Variants in AUH observed in about 807,000 individuals in gnomAD.
The protein encoded by AUH is methylglutaconyl-CoA hydratase, mitochondrial.
Under a neutral mutation model 42.3 loss-of-function variants are expected in AUH, and 29 were observed. The ratio of observed to expected loss-of-function variants is 0.69; its 90% confidence interval spans 0.51 to 0.93. The LOEUF is 0.93. Among genes scored for constraint, AUH ranks in the 40% least tolerant of loss-of-function variants. The pLI is 0.00. For missense variants in AUH, 452 were observed against 438.1 expected (o/e 1.03, Z -0.28); for synonymous variants, 174 against 166.4 (o/e 1.05, Z -0.35).
chr9:91,289,964 C>T (rs1587783570), intron 6 of AUH, among the ~76,000 whole-genome samples: 1 of 152,110 alleles, frequency 6.6e-6, no homozygotes, highest in African/African-American at 2.4e-5. Flanking sequence ...CATCTCTTAT[C>T]TAAATGTGAA....
intron 3 of AUH, among the ~76,000 whole-genome samples, chr9:91,333,376 A>C (rs908794009): frequency 6.6e-6 from 1 of 152,232 alleles, no homozygotes; most frequent in Non-Finnish European, 1.5e-5. Context: ...ATGCAAATTA[A>C]ATTAATTTTT....
chr9:91,338,459 C>T lies in AUH; in HGVS notation c.419-13055G>A, dbSNP rs866498313. Among the ~76,000 whole-genome samples, 8 of 152,248 alleles carry T rather than the reference C, an allele frequency of 5.3e-5. No homozygotes were observed. The South Asian group carries it at 1.2e-3, about 24-fold the overall frequency. On this transcript the variant is annotated intron_variant, in intron 3 of 9. Transcript: ENST00000375731. ...TTTTTTTGGCAGGGGGACAGAGTCT[C>T]GCTGTTGTTGGCCTAGGCTGGAGCG...
At chr9:91,315,351 T>C (rs1829076286) in intron 4 of AUH, among the ~76,000 whole-genome samples, 1 of 152,228 alleles carries the variant, frequency 6.6e-6, no homozygotes, top group Non-Finnish European at 1.5e-5. Context: ...CAAATGCGCA[T>C]GTGCCTGTTT....
At chr9:91,271,185 C>T (rs770814472) in intron 6 of AUH, among the ~76,000 whole-genome samples, 20 of 152,120 alleles carry the variant, frequency 1.3e-4, no homozygotes, top group Non-Finnish European at 2.6e-4. Context: ...TTGCTAGAAA[C>T]GAAGCAAAAG....
At chr9:91,263,026 A>T (rs1032418194) in intron 6 of AUH, among the ~76,000 whole-genome samples, 1 of 152,174 alleles carries the variant, frequency 6.6e-6, no homozygotes, top group Non-Finnish European at 1.5e-5. Flanking sequence ...GCTGTGTTTT[A>T]AGATGGTACT....
At chr9:91,288,757 T>C (rs1587780363) in intron 6 of AUH, among the ~76,000 whole-genome samples, 1 of 152,304 alleles carries the variant, frequency 6.6e-6, no homozygotes, top group African/African-American at 2.4e-5. Flanking sequence ...TTGCACTATA[T>C]ACTTTTAATA....
At chr9:91,324,551 A>T (rs1829831111) in intron 4 of AUH, among the ~76,000 whole-genome samples, 1 of 151,072 alleles carries the variant, frequency 6.6e-6, no homozygotes, top group Non-Finnish European at 1.5e-5. Context: ...ACCAAATAAA[A>T]AAAAAAAAAG....
At chr9:91,317,899 T>C (rs1381588869) in intron 4 of AUH, among the ~76,000 whole-genome samples, 1 of 152,278 alleles carries the variant, frequency 6.6e-6, no homozygotes, top group Non-Finnish European at 1.5e-5. Context: ...TTTATTTTCA[T>C]TGGCTAACAT....
chr9:91,228,422 C>T (rs1283597833), intron 6 of AUH, among the ~76,000 whole-genome samples: 102 of 146,608 alleles, frequency 7.0e-4, no homozygotes, highest in African/African-American at 2.2e-3. Flanking sequence ...TTTTTTATTG[C>T]GTCTATTTGA....
intron 4 of AUH, among the ~76,000 whole-genome samples, chr9:91,309,802 C>T (rs1332059379): frequency 2.6e-5 from 4 of 152,184 alleles, no homozygotes; most frequent in South Asian, 4.1e-4. Context: ...CATGTATCCC[C>T]GGATCTAACA....
At chr9:91,268,174 G>A (rs993623528) in intron 6 of AUH, among the ~76,000 whole-genome samples, 2 of 152,068 alleles carry the variant, frequency 1.3e-5, no homozygotes, top group East Asian at 1.9e-4. Context: ...CTTTATTCAC[G>A]CAGAAACAGT....
At chr9:91,264,799 C>T (rs1829884891) in intron 6 of AUH, among the ~76,000 whole-genome samples, 1 of 152,118 alleles carries the variant, frequency 6.6e-6, no homozygotes, top group African/African-American at 2.4e-5. Flanking sequence ...CTTTTCTAGG[C>T]CTTGCACATC....
rs199757528 is a variant in AUH, at chr9:91,330,235, CAAG to C, written c.419-4834_419-4832del. 8.8e-3 allele frequency among the ~76,000 whole-genome samples: 1,331 copies of C among 152,104 alleles called. 10 individuals are homozygous for C. The highest frequency in any genetic ancestry group is 0.014 in the Non-Finnish European group (946 of 67,970). Reference sequence around the variant, plus strand: ...TATCACTTTCAAAACATCCAAAAATCAAGGAGTGAAAGAATAAATCTAACAAAA... The same window carrying C: ...TATCACTTTCAAAACATCCAAAAATCGAGTGAAAGAATAAATCTAACAAAA... On this transcript the variant is annotated intron_variant, in intron 3 of 9. Transcript: ENST00000375731.
At chr9:91,357,925 G>A (rs923486835) in intron 1 of AUH, among the ~76,000 whole-genome samples, 5 of 152,168 alleles carry the variant, frequency 3.3e-5, no homozygotes, top group African/African-American at 9.7e-5. Flanking sequence ...AGGAGTTTAC[G>A]TAGGTATAAA....
chr9:91,346,022 T>C (rs80293005), intron 3 of AUH, among the ~76,000 whole-genome samples: 3,837 of 152,130 alleles, frequency 0.025, 77 homozygotes, highest in East Asian at 0.065. Context: ...AAAAAAATAC[T>C]TCGTCGTTTT....
At chr9:91,262,166 GTCA>G (rs762933509) in intron 6 of AUH, among the ~76,000 whole-genome samples, 1 of 152,134 alleles carries the variant, frequency 6.6e-6, no homozygotes, top group African/African-American at 2.4e-5. Context: ...TTTGCAAAAT[GTCA>G]TCAAGATAAA....
intron 3 of AUH, among the ~76,000 whole-genome samples, chr9:91,337,726 G>T (rs796138355): frequency 5.9e-5 from 9 of 152,296 alleles, no homozygotes; most frequent in African/African-American, 2.2e-4. Context: ...AAAATGCTTT[G>T]TTAGATGGAG....
chr9:91,321,026 G>A (rs565003288), intron 4 of AUH, among the ~76,000 whole-genome samples: 2 of 152,168 alleles, frequency 1.3e-5, no homozygotes, highest in South Asian at 4.1e-4. Flanking sequence ...CAAGTTTAAG[G>A]GTATGTTTCT....
At chr9:91,356,315 T>G (rs1395785140) in intron 1 of AUH, among the ~76,000 whole-genome samples, 160 bp from the exon 2 acceptor site, 1 of 152,174 alleles carries the variant, frequency 6.6e-6, no homozygotes, top group African/African-American at 2.4e-5. Flanking sequence ...CCAAGATAAT[T>G]TGCAACATTT....
Sources: allele counts gnomAD v4.1 joint callset (sites outside exome capture counted in the v4.1 genomes callset), GRCh38; gene constraint gnomAD v4.1.1; transcripts MANE v1.5; gene names NCBI Gene and HGNC (gene_info 2026-07-23, HGNC 2026-07-21).